The following UNC5D variants were observed in gnomAD, a reference collection of about 807,000 sequenced individuals.
UNC5D encodes unc-5 netrin receptor D, also known as netrin receptor UNC5D.
In UNC5D, 39 loss-of-function variants were observed where a neutral mutation model predicts 105.4. The ratio of observed to expected loss-of-function variants is 0.37; its 90% CI spans 0.29 to 0.48. The LOEUF (loss-of-function observed/expected upper bound fraction) is 0.48. Among genes scored for constraint, UNC5D ranks in the 20% least tolerant of loss-of-function variants. UNC5D has a pLI of 0.98. For missense variants in UNC5D, 991 were observed against 1,202.4 expected (o/e 0.82, Z 2.60); for synonymous variants, 452 against 450.4 (o/e 1.00, Z -0.04).
chr8:35,610,775 T>G (rs1394897088), intron 4 of UNC5D, among the ~76,000 whole-genome samples: 1 of 152,160 alleles, frequency 6.6e-6, no homozygotes, highest in African/African-American at 2.4e-5. Context: ...AAATGCATAC[T>G]TGTGTCTGTA....
intron 9 of UNC5D, among the ~76,000 whole-genome samples, chr8:35,723,526 G>C (rs539932121): frequency 3.3e-5 from 5 of 151,926 alleles, no homozygotes; most frequent in Non-Finnish European, 5.9e-5. Flanking sequence ...CACCTCAGCA[G>C]CTGGGACTAC....
intron 1 of UNC5D, among the ~76,000 whole-genome samples, chr8:35,455,956 C>G (rs1808461353): frequency 6.6e-6 from 1 of 152,102 alleles, no homozygotes; most frequent in Non-Finnish European, 1.5e-5. Context: ...TGGGTAGGGA[C>G]ACAGCCAAAC....
intron 1 of UNC5D, among the ~76,000 whole-genome samples, chr8:35,382,270 G>T (rs539329509): frequency 2.0e-5 from 3 of 152,130 alleles, no homozygotes; most frequent in African/African-American, 7.2e-5. Flanking sequence ...CCCCTACAGC[G>T]GTTGATGACA....
At chr8:35,591,217 T>C (rs1819151360) in intron 3 of UNC5D, among the ~76,000 whole-genome samples, 1 of 152,070 alleles carries the variant, frequency 6.6e-6, no homozygotes, top group African/African-American at 2.4e-5. Flanking sequence ...GAATACTAAC[T>C]TGTTTGCAAA....
intron 1 of UNC5D, among the ~76,000 whole-genome samples, chr8:35,285,218 T>G (rs1474697338): frequency 6.6e-6 from 1 of 152,218 alleles, no homozygotes; most frequent in African/African-American, 2.4e-5. Context: ...GTGTCCTTGT[T>G]AGACTCATGG....
intron 10 of UNC5D, among the ~76,000 whole-genome samples, chr8:35,728,093 A>ATATAT (rs1263586222): frequency 1.6e-5 from 2 of 122,534 alleles, no homozygotes; most frequent in African/African-American, 8.8e-5. Context: ...AAAAAAAAAA[A>ATATAT]AAATATATAT....
chr8:35,388,726 T>C (rs922029710), intron 1 of UNC5D, among the ~76,000 whole-genome samples: 2 of 152,228 alleles, frequency 1.3e-5, no homozygotes, highest in Non-Finnish European at 2.9e-5. Context: ...ATAAAGATGA[T>C]GAAAGATAGT....
chr8:35,467,608 T>A (rs1295272600), intron 1 of UNC5D, among the ~76,000 whole-genome samples: 1 of 147,832 alleles, frequency 6.8e-6, no homozygotes, highest in Non-Finnish European at 1.5e-5. Flanking sequence ...AAAATCAGAC[T>A]TGTTTGAGTA....
At chr8:35,678,314 T>C (rs1219816122) in intron 4 of UNC5D, among the ~76,000 whole-genome samples, 1 of 152,200 alleles carries the variant, frequency 6.6e-6, no homozygotes, top group Non-Finnish European at 1.5e-5. Flanking sequence ...TCAGTCATAA[T>C]ACCTTCCCTT....
chr8:35,684,870 A>G, intron 6 of UNC5D, 121 bp downstream of exon 6: 1 of 1,280,280 alleles, frequency 7.8e-7, no homozygotes, highest in East Asian at 2.5e-5. Context: ...AGAATAGAAC[A>G]TTTATCCAAG....
At chr8:35,252,118 G>T (rs1405401973) in intron 1 of UNC5D, among the ~76,000 whole-genome samples, 2 of 151,368 alleles carry the variant, frequency 1.3e-5, no homozygotes, top group African/African-American at 4.9e-5. Flanking sequence ...GCCCCACGGG[G>T]TTCACGCCAT....
chr8:35,657,475 T>C lies in UNC5D; in HGVS notation c.571-26072T>C, dbSNP rs541423243. 2.6e-5 allele frequency among the ~76,000 whole-genome samples: 4 copies of C among 152,044 alleles called. No individual in the cohort carries two copies. The South Asian group carries it at 8.3e-4, about 32-fold the overall frequency. On this transcript the variant is annotated intron_variant, in intron 4 of 16. Transcript: ENST00000404895. Reference sequence around the variant, plus strand: ...ATTACCAGTATTTTGCCTGATAGAATATTGTGATCATTATTTTTTATTTTT... The same window carrying C: ...ATTACCAGTATTTTGCCTGATAGAACATTGTGATCATTATTTTTTATTTTT...
At chr8:35,408,995 A>G (rs1371072688) in intron 1 of UNC5D, among the ~76,000 whole-genome samples, 1 of 152,064 alleles carries the variant, frequency 6.6e-6, no homozygotes, top group East Asian at 1.9e-4. Flanking sequence ...ATAGTTTTGC[A>G]TTTTCTAAAG....
intron 1 of UNC5D, among the ~76,000 whole-genome samples, chr8:35,279,831 A>G (rs2128847796): frequency 6.6e-6 from 1 of 152,284 alleles, no homozygotes; most frequent in Non-Finnish European, 1.5e-5. Context: ...GCTAGAGCAA[A>G]TTGGAACCAA....
intron 1 of UNC5D, among the ~76,000 whole-genome samples, chr8:35,264,834 C>A (rs1159750854): frequency 1.3e-5 from 2 of 152,098 alleles, no homozygotes; most frequent in Non-Finnish European, 2.9e-5. Flanking sequence ...CAGGGCCATC[C>A]TGTGTACCTG....
At chr8:35,520,500 C>T (rs902596112) in intron 1 of UNC5D, among the ~76,000 whole-genome samples, 1 of 152,060 alleles carries the variant, frequency 6.6e-6, no homozygotes, top group African/African-American at 2.4e-5. Flanking sequence ...AGTTGTACAG[C>T]TCTGTGACTA....
chr8:35,265,893 A>C (rs1263798321), intron 1 of UNC5D, among the ~76,000 whole-genome samples: 1 of 149,996 alleles, frequency 6.7e-6, no homozygotes, highest in Non-Finnish European at 1.5e-5. Flanking sequence ...AATAATAATA[A>C]TAATAATAAT....
chr8:35,557,871 C>T (rs1320333593), intron 2 of UNC5D, among the ~76,000 whole-genome samples: 2 of 152,004 alleles, frequency 1.3e-5, no homozygotes, highest in Non-Finnish European at 2.9e-5. Context: ...GTGGCTCACG[C>T]ATGTAATCCC....
At chr8:35,500,366 T>G (rs1001741039) in intron 1 of UNC5D, among the ~76,000 whole-genome samples, 1 of 152,162 alleles carries the variant, frequency 6.6e-6, no homozygotes, top group African/African-American at 2.4e-5. Context: ...GTCCTGATAG[T>G]GACACTAACC....
Sources: allele counts gnomAD v4.1 joint callset (sites outside exome capture counted in the v4.1 genomes callset), GRCh38; gene constraint gnomAD v4.1.1; transcripts MANE v1.5; gene names NCBI Gene and HGNC (gene_info 2026-07-23, HGNC 2026-07-21).